DLGAP1: variants seen among roughly 807,000 people sequenced by gnomAD.
The protein encoded by DLGAP1 is disks large-associated protein 1.
A neutral mutation model predicts 90.8 loss-of-function variants in DLGAP1; 11 were observed. That is an observed-to-expected ratio of 0.12 (90% CI 0.08 to 0.20). The LOEUF is 0.20. DLGAP1 is among the 10% of genes least tolerant of loss of function. DLGAP1 has a pLI of 1.00. For synonymous variants in DLGAP1, 558 were observed against 540.7 expected, an observed-to-expected ratio of 1.03 and a Z score of -0.44; for missense variants, 1,050 against 1,333.8, an observed-to-expected ratio of 0.79 and a Z score of 3.31.
rs151319428 is a variant in DLGAP1, at chr18:3,867,469, G to C, written c.957+11643C>G. On this transcript the variant is annotated intron_variant, in intron 4 of 12. Transcript: ENST00000315677. ...AGCTCTCTTGCTAAAGAGGGTTCAC[G>C]GGGTGGGGAAGGAAGGAGGAGGGGA... Among the ~76,000 whole-genome samples, 906 of 152,254 alleles carry C rather than the reference G, an allele frequency of 6.0e-3. 9 individuals carry two copies. The highest frequency in any genetic ancestry group is 0.021 in the African/African-American group (854 of 41,550).
chr18:3,920,588 G>T (rs1187352997), intron 3 of DLGAP1, among the ~76,000 whole-genome samples: 1 of 151,990 alleles, frequency 6.6e-6, no homozygotes, highest in Non-Finnish European at 1.5e-5. Flanking sequence ...TAGCTAGGAG[G>T]TAAATATGTT....
intron 5 of DLGAP1, among the ~76,000 whole-genome samples, chr18:3,782,573 G>A (rs2065250593): frequency 1.3e-5 from 2 of 152,184 alleles, no homozygotes; most frequent in African/African-American, 2.4e-5. Context: ...AATGGCCCAA[G>A]TTTTTCTGGG....
At chr18:4,004,257 C>T (rs2074255231) in intron 3 of DLGAP1, among the ~76,000 whole-genome samples, 1 of 152,096 alleles carries the variant, frequency 6.6e-6, no homozygotes, top group African/African-American at 2.4e-5. Context: ...AAACACATTT[C>T]TCCTCTCTAT....
intron 1 of DLGAP1, among the ~76,000 whole-genome samples, chr18:4,415,159 A>G (rs2082869065): frequency 6.6e-6 from 1 of 152,170 alleles, no homozygotes; most frequent in African/African-American, 2.4e-5. Flanking sequence ...CTCATACTCT[A>G]TAAACCTTAG....
At chr18:4,065,196 T>C (rs2075353846) in intron 2 of DLGAP1, among the ~76,000 whole-genome samples, 1 of 152,098 alleles carries the variant, frequency 6.6e-6, no homozygotes, top group African/African-American at 2.4e-5. Context: ...ATAAGCAACA[T>C]ATATAATAAA....
intron 1 of DLGAP1, among the ~76,000 whole-genome samples, chr18:4,170,434 A>T (rs2077003630): frequency 6.6e-6 from 1 of 152,164 alleles, no homozygotes; most frequent in Non-Finnish European, 1.5e-5. Context: ...ATTATGGAAA[A>T]ATCCCTGAAG....
chr18:4,028,710 G>A (rs543710070), intron 2 of DLGAP1, among the ~76,000 whole-genome samples: 2 of 152,270 alleles, frequency 1.3e-5, no homozygotes, highest in African/African-American at 4.8e-5. Context: ...TTCAGGAGAT[G>A]AGGCATCAGT....
chr18:3,652,095 T>C (rs1212858098), intron 7 of DLGAP1, among the ~76,000 whole-genome samples: 1 of 130,768 alleles, frequency 7.6e-6, no homozygotes, highest in African/African-American at 2.9e-5. Flanking sequence ...ACCTGGGAGG[T>C]GGAGGTTGCT....
At chr18:4,055,072 C>T (rs375067736) in intron 2 of DLGAP1, among the ~76,000 whole-genome samples, 58 of 152,146 alleles carry the variant, frequency 3.8e-4, no homozygotes, top group African/African-American at 1.4e-3. Context: ...AATATAGGTC[C>T]GCACATACTG....
At chr18:4,379,934 C>A (rs528836416) in intron 1 of DLGAP1, among the ~76,000 whole-genome samples, 2 of 152,252 alleles carry the variant, frequency 1.3e-5, no homozygotes, top group Admixed American at 6.5e-5. Flanking sequence ...AATGAATAAA[C>A]CAATATACAT....
At chr18:3,779,090 T>C (rs1475247177) in intron 5 of DLGAP1, among the ~76,000 whole-genome samples, 1 of 152,190 alleles carries the variant, frequency 6.6e-6, no homozygotes, top group Non-Finnish European at 1.5e-5. Context: ...TTTCCAAATC[T>C]AGCTCCCAAA....
chr18:3,531,440 A>T (rs747126811), intron 10 of DLGAP1, among the ~76,000 whole-genome samples: 6 of 150,168 alleles, frequency 4.0e-5, no homozygotes, highest in Non-Finnish European at 7.4e-5. Flanking sequence ...TCTGTCTTTT[A>T]AAAAAAAAAT....
chr18:4,369,148 A>AT (rs2081855481), intron 1 of DLGAP1, among the ~76,000 whole-genome samples: 1 of 152,224 alleles, frequency 6.6e-6, no homozygotes, highest in African/African-American at 2.4e-5. Context: ...GCCTCTCCTT[A>AT]TATCTGAGAT....
intron 10 of DLGAP1, among the ~76,000 whole-genome samples, chr18:3,523,360 G>C (rs1045457527): frequency 2.0e-5 from 3 of 149,714 alleles, no homozygotes; most frequent in Non-Finnish European, 4.4e-5. Flanking sequence ...CTGGGCAACA[G>C]AGCAAGGCTC....
intron 1 of DLGAP1, among the ~76,000 whole-genome samples, chr18:4,440,993 T>C (rs906001296): frequency 4.6e-5 from 7 of 152,236 alleles, no homozygotes; most frequent in African/African-American, 1.7e-4. Context: ...TCGGCCTGAA[T>C]TGCAAAGAAT....
chr18:4,446,674 A>G (rs1353332095), intron 1 of DLGAP1, among the ~76,000 whole-genome samples: 1 of 152,186 alleles, frequency 6.6e-6, no homozygotes, highest in Non-Finnish European at 1.5e-5. Flanking sequence ...TGGTACCATA[A>G]AGAGAATTTA....
chr18:3,741,064 CCACCACCACCACCACCATCACCAT>C (rs1568048036), intron 6 of DLGAP1, among the ~76,000 whole-genome samples: 2 of 103,878 alleles, frequency 1.9e-5, no homozygotes, highest in Admixed American at 1.8e-4. Context: ...ACCATCACCA[CCACCACCACCACCACCATCACCAT>C]CACCACCACC....
chr18:4,071,303 G>T (rs547938725), intron 2 of DLGAP1, among the ~76,000 whole-genome samples: 1 of 152,132 alleles, frequency 6.6e-6, no homozygotes, highest in East Asian at 1.9e-4. Flanking sequence ...AAATTATTGA[G>T]AAATCTGTGG....
intron 5 of DLGAP1, among the ~76,000 whole-genome samples, chr18:3,749,263 C>T (rs1478607588): frequency 6.6e-6 from 1 of 151,778 alleles, no homozygotes; most frequent in African/African-American, 2.4e-5. Context: ...GATTCTCCGC[C>T]TCAGCCTCCC....
Sources: allele counts gnomAD v4.1 joint callset (sites outside exome capture counted in the v4.1 genomes callset), GRCh38; gene constraint gnomAD v4.1.1; transcripts MANE v1.5; gene names NCBI Gene and HGNC (gene_info 2026-07-23, HGNC 2026-07-21).